Variants in EHMT1 observed in about 807,000 individuals in gnomAD.
EHMT1 encodes euchromatic histone lysine methyltransferase 1, also known as histone-lysine N-methyltransferase EHMT1.
EHMT1 carries 15 observed loss-of-function variants against 147.2 expected under a neutral mutation model. The observed-to-expected ratio is 0.10, with a 90% CI of 0.07 to 0.16. The LOEUF is 0.16. EHMT1 is among the 10% of genes least tolerant of loss of function. EHMT1 has a pLI of 1.00. For missense variants in EHMT1, 1,587 were observed against 1,772.4 expected, an observed-to-expected ratio of 0.90 and a Z score of 1.88; for synonymous variants, 795 against 709.6, an observed-to-expected ratio of 1.12 and a Z score of -1.91.
Position 137,787,838 on chromosome 9 carries a change from G to C in EHMT1, c.2383-3010G>C. The stretch of plus-strand genomic sequence containing the variant: ...GGGCCACCCCCCAGTAGGCAGAGCT[G>C]GTTGACGGTGGACATTGGGGATAGG... On this transcript the variant is annotated intron_variant, in intron 15 of 26. Transcript: ENST00000460843. This position sits in a 1 kb window ranked among gnomAD's most constrained non-coding sequence, Gnocchi z 4.2. 9.9e-7 allele frequency: 1 copy of C among 1,012,828 alleles called. No individual in the cohort carries two copies. 62.7% of individuals were successfully genotyped at this position (1,012,828 alleles called of 1,614,324 possible). A position where few individuals can be genotyped will look rare whatever the true frequency, so the allele number is the denominator to read the frequency against.
intron 4 of EHMT1, chr9:137,743,106 G>T (rs1294832432): frequency 6.7e-6 from 3 of 450,104 alleles, no homozygotes; most frequent in Admixed American, 3.5e-5. Flanking sequence ...CCAAGGTGGG[G>T]TGATAATGTT....
At chr9:137,697,488 C>G (rs111969537) in intron 1 of EHMT1, among the ~76,000 whole-genome samples, 1 of 152,172 alleles carries the variant, frequency 6.6e-6, no homozygotes, top group Admixed American at 6.5e-5. Flanking sequence ...ACCTAGCATA[C>G]TGTTTGAAGA....
intron 6 of EHMT1, among the ~76,000 whole-genome samples, chr9:137,745,056 A>C (rs372235464): frequency 1.3e-4 from 20 of 152,374 alleles, no homozygotes; most frequent in African/African-American, 4.1e-4. Context: ...GAGTGTGTCC[A>C]ACCATGTTTA....
chr9:137,728,474 T>G lies in EHMT1; in HGVS notation c.768T>G (p.Leu256=), dbSNP rs1213257671. The change falls in exon 4 of 27, where the codon CTT becomes CTG. Residue 256 remains leucine (L), a synonymous_variant. Transcript: ENST00000460843. ...AGCTTTTACCCCCCTTCCCATCCCTTCATCAGTCGCTACCTCAGAACCAGT... is the reference window on the plus strand; with the variant it reads ...AGCTTTTACCCCCCTTCCCATCCCTGCATCAGTCGCTACCTCAGAACCAGT... ...RQQLLPPFPS[L]HQSLPQNQCY... is the part of the protein sequence containing the mutation. The G allele has an allele frequency of 6.2e-7, 1 of 1,614,154 alleles. No homozygotes were observed. Among genetic ancestry groups the G allele is most frequent in the South Asian group, 1.1e-5 (1 of 91,084 alleles).
intron 22 of EHMT1, 166 bp downstream of exon 22, chr9:137,814,674 C>A: frequency 1.3e-6 from 1 of 761,126 alleles, no homozygotes. Flanking sequence ...GGCACCAGCA[C>A]CCGAGTCAGG....
rs754423665 is a variant in EHMT1, at chr9:137,731,881, CTG to C, written c.823+3355_823+3356del. On this transcript the variant is annotated intron_variant, in intron 4 of 26. Coordinates refer to ENST00000460843, the MANE Select transcript of EHMT1 (RefSeq NM_024757.5). The surrounding 1 kb of genome is among the most constrained non-coding windows in gnomAD (Gnocchi z 4.3). ...GGGCAGGCAGCTCCAGGCTCTGGCTCTGTGCAGAGCTGTGGCTGGATGAGGCA... is the reference window on the plus strand; with the variant it reads ...GGGCAGGCAGCTCCAGGCTCTGGCTCTGCAGAGCTGTGGCTGGATGAGGCA... 4.6e-5 allele frequency among the ~76,000 whole-genome samples: 7 copies of C among 152,198 alleles called. No homozygotes were observed. Among genetic ancestry groups the C allele is most frequent in the Non-Finnish European group, 8.8e-5 (6 of 68,036 alleles).
At chr9:137,710,881 A>G (rs1944643178) in intron 1 of EHMT1, 86 bp from the exon 2 acceptor site, 1 of 1,468,428 alleles carries the variant, frequency 6.8e-7, no homozygotes, top group African/African-American at 1.4e-5. Context: ...TGTAACTACG[A>G]TTTTTTGACT....
intron 1 of EHMT1, among the ~76,000 whole-genome samples, chr9:137,665,457 G>C (rs1172573138): frequency 6.6e-6 from 1 of 152,206 alleles, no homozygotes; most frequent in Non-Finnish European, 1.5e-5. Context: ...TGGTATGCTT[G>C]GCACTGGGAC....
chr9:137,717,257 G>T, intron 3 of EHMT1, 75 bp downstream of exon 3: 1 of 1,548,122 alleles, frequency 6.5e-7, no homozygotes, highest in African/African-American at 1.4e-5. Context: ...GGACTTTGGT[G>T]CATTGAGGAG....
At chr9:137,656,420 G>A (rs1165053112) in intron 1 of EHMT1, among the ~76,000 whole-genome samples, 2 of 152,140 alleles carry the variant, frequency 1.3e-5, no homozygotes, top group African/African-American at 2.4e-5. Context: ...GCTATGAAGA[G>A]ACACTGGAAG....
chr9:137,727,143 AT>A (rs1316411285), intron 3 of EHMT1, among the ~76,000 whole-genome samples: 1 of 151,944 alleles, frequency 6.6e-6, no homozygotes, highest in African/African-American at 2.4e-5. Flanking sequence ...ATAAATTTTA[AT>A]TTTTGTAAAT....
At chr9:137,833,398 G>A (rs1011084867) in intron 25 of EHMT1, among the ~76,000 whole-genome samples, 1 of 152,230 alleles carries the variant, frequency 6.6e-6, no homozygotes, top group Non-Finnish European at 1.5e-5. Flanking sequence ...GGGGTTGGGC[G>A]TGCCGGGCCT....
In EHMT1 at chr9:137,776,696, G is replaced by C; in HGVS notation, c.1870G>C (p.Ala624Pro). 1 of 1,613,940 alleles carries C rather than the reference G, an allele frequency of 6.2e-7. No homozygotes were observed. Among genetic ancestry groups the C allele is most frequent in the Non-Finnish European group, 8.5e-7 (1 of 1,179,996 alleles). ...AGACTGTGCCTCTCGAGTCAATAAC[G>C]CCAGCTATTGTCCCCACTGTGGGGA... ...HKDCASRVNN[A>P]SYCPHCGEES... The change falls in exon 12 of 27, where the codon GCC becomes CCC. Residue 624 changes from alanine to proline, a missense_variant. Transcript: ENST00000460843. The surrounding 1 kb of genome is among the most constrained non-coding windows in gnomAD (Gnocchi z 4.4).
intron 3 of EHMT1, among the ~76,000 whole-genome samples, chr9:137,726,845 C>G (rs1186623551): frequency 6.6e-6 from 1 of 152,182 alleles, no homozygotes; most frequent in African/African-American, 2.4e-5. Context: ...GTTAAGCATT[C>G]TTTTTTCATA....
At chr9:137,790,759 T>C in intron 15 of EHMT1, 89 bp from the exon 16 acceptor site, 2 of 1,596,920 alleles carry the variant, frequency 1.3e-6, no homozygotes, top group Non-Finnish European at 1.7e-6. Flanking sequence ...AGCTCTCTTT[T>C]TTTGAGTGTG....
intron 6 of EHMT1, among the ~76,000 whole-genome samples, chr9:137,744,655 A>G (rs1404529344): frequency 6.6e-6 from 1 of 152,182 alleles, no homozygotes; most frequent in Non-Finnish European, 1.5e-5. Context: ...GACAGGAATG[A>G]TATTGCTGAC....
Position 137,784,281 on chromosome 9 carries a change from G to A in EHMT1, c.2382+1884G>A, listed in dbSNP as rs73669168. ...AGGTCCATTCCTGGGGGCTGACTCC[G>A]CCTTTCAGAGAGGCGTGGCTCCATC... On this transcript the variant is annotated intron_variant, in intron 15 of 26. Coordinates refer to ENST00000460843, the MANE Select transcript of EHMT1 (RefSeq NM_024757.5). The A allele has an allele frequency of 9.6e-3, 14,161 of 1,467,828 alleles. 1,133 individuals are homozygous for A. In the African/African-American group the frequency reaches 0.17, roughly 18 times the overall value. The allele number at this position is 1,467,828 out of a possible 1,614,324, so 90.9% of individuals were successfully genotyped here. A position where few individuals can be genotyped will look rare whatever the true frequency, so the allele number is the denominator to read the frequency against.
intron 15 of EHMT1, chr9:137,788,278 G>A: frequency 2.3e-6 from 1 of 428,898 alleles, no homozygotes; most frequent in Non-Finnish European, 4.1e-6. Context: ...TTGCTGGGCG[G>A]TGGCAGATGA....
chr9:137,834,172 G>C lies in EHMT1; in HGVS notation c.3541-177G>C, dbSNP rs891818655. 2.8e-5 allele frequency: 22 copies of C among 797,290 alleles called. No homozygotes were observed. In the South Asian group the frequency reaches 3.5e-4, roughly 13 times the overall value. 49.4% of individuals were successfully genotyped at this position (797,290 alleles called of 1,614,324 possible). ...TGCGGGGTGGGTGGCCACACAGCGAGGAGAAGGCTGGCGGAGGCTCCGCAC... is the reference window on the plus strand; with the variant it reads ...TGCGGGGTGGGTGGCCACACAGCGACGAGAAGGCTGGCGGAGGCTCCGCAC... On this transcript the variant is annotated intron_variant, in intron 25 of 26. Coordinates refer to ENST00000460843, the MANE Select transcript of EHMT1 (RefSeq NM_024757.5).
Sources: allele counts gnomAD v4.1 joint callset (sites outside exome capture counted in the v4.1 genomes callset), GRCh38; gene constraint gnomAD v4.1.1; non-coding constraint Gnocchi (gnomAD v3.1); transcripts MANE v1.5; gene names NCBI Gene and HGNC (gene_info 2026-07-23, HGNC 2026-07-21).